The following ARL4A variants were observed in gnomAD, a reference collection of about 807,000 sequenced individuals.
ARL4A encodes ADP-ribosylation factor-like protein 4A.
A neutral mutation model predicts 13.9 loss-of-function variants in ARL4A; 5 were observed. The observed-to-expected ratio is 0.36, with a 90% confidence interval of 0.19 to 0.75. ARL4A has a LOEUF of 0.75. Among genes scored for constraint, ARL4A ranks in the 30% least tolerant of loss-of-function variants. The probability of loss-of-function intolerance (pLI) is 0.53; values close to 1 mark genes in which losing one functional copy is unlikely to be tolerated. For synonymous variants in ARL4A, 77 were observed against 84.4 expected (o/e 0.91, Z 0.48); for missense variants, 147 against 225.8 (o/e 0.65, Z 2.24).
chr7:12,690,047 A>G lies in ARL4A; in HGVS notation c.*1190A>G, dbSNP rs557482380. The G allele has an allele frequency of 3.6e-5, 6 of 167,212 alleles. No individual in the cohort carries two copies. In the East Asian group the frequency reaches 5.8e-4, roughly 16 times the overall value. 10.4% of individuals were successfully genotyped at this position (167,212 alleles called of 1,614,324 possible). A position where few individuals can be genotyped will look rare whatever the true frequency, so the allele number is the denominator to read the frequency against. On this transcript the variant is annotated 3_prime_UTR_variant, in exon 2 of 2. Transcript: ENST00000651779. ...AACAGTATGGCAGATAAGAATTACA[A>G]TTATAGAAAATGAGGGGAAAATAAC...
chr7:12,687,510 C>G (rs780739510), upstream of ARL4A: 1 of 152,812 alleles, frequency 6.5e-6, no homozygotes, highest in African/African-American at 2.4e-5. This position sits in a 1 kb window ranked among gnomAD's most constrained non-coding sequence, Gnocchi z 5.6. Context: ...AATTAGGGAG[C>G]GGGGGCGGGA....
Position 12,688,065 on chromosome 7 carries a change from T to A in ARL4A, c.-89-101T>A. 1.3e-6 allele frequency: 1 copy of A among 748,814 alleles called. No individual in the cohort carries two copies. The highest frequency in any genetic ancestry group is 2.0e-6 in the Non-Finnish European group (1 of 489,148). 46.4% of individuals were successfully genotyped at this position (748,814 alleles called of 1,614,324 possible). The stretch of plus-strand genomic sequence containing the variant: ...CGTCTGGTTTGTTTAGCGCAGCAAG[T>A]TATAGTAAGTTCTTCGTGTTGTTTA... On this transcript the variant is annotated intron_variant, in intron 1 of 1. Coordinates refer to ENST00000651779, the MANE Select transcript of ARL4A (RefSeq NM_005738.5). This position sits in a 1 kb window ranked among gnomAD's most constrained non-coding sequence, Gnocchi z 5.2.
Position 12,690,383 on chromosome 7 carries a change from G to A in ARL4A, c.*1526G>A, listed in dbSNP as rs533189861. On this transcript the variant is annotated 3_prime_UTR_variant, in exon 2 of 2. Transcript: ENST00000651779. ...AAAATGAATGAAGTAGCTTGATGTG[G>A]AGCCTTCATATGTTAAATATTCCTG... 1.2e-5 allele frequency: 2 copies of A among 165,912 alleles called. No homozygotes were observed. Among genetic ancestry groups the A allele is most frequent in the African/African-American group, 2.4e-5 (1 of 41,364 alleles). The allele number at this position is 165,912 out of a possible 1,614,324, so 10.3% of individuals were successfully genotyped here.
rs1213022938 is a variant in ARL4A at position 12,688,949 on chromosome 7, G to A, written c.*92G>A. ...TGTCTACAGCGTGGTTTGCCTGTCTGCCCTCCTGGATGCTATTAAAGCTTT... is the reference window on the plus strand; with the variant it reads ...TGTCTACAGCGTGGTTTGCCTGTCTACCCTCCTGGATGCTATTAAAGCTTT... On this transcript the variant is annotated 3_prime_UTR_variant, in exon 2 of 2. Coordinates refer to ENST00000651779, the MANE Select transcript of ARL4A (RefSeq NM_005738.5). The surrounding 1 kb of genome is among the most constrained non-coding windows in gnomAD (Gnocchi z 5.2). The A allele has an allele frequency of 7.6e-7, 1 of 1,309,574 alleles. No homozygotes were observed. Among genetic ancestry groups the A allele is most frequent in the Non-Finnish European group, 1.1e-6 (1 of 947,938 alleles). The allele number at this position is 1,309,574 out of a possible 1,614,324, so 81.1% of individuals were successfully genotyped here. A position where few individuals can be genotyped will look rare whatever the true frequency, so the allele number is the denominator to read the frequency against.
chr7:12,690,588 G>C lies in ARL4A; in HGVS notation c.*1731G>C, dbSNP rs926242409. ...AGCTAGGCTATTTAGTCCCATAGTA[G>C]TTCAGATCTGCTTAGATGTGACAGG... On this transcript the variant is annotated 3_prime_UTR_variant, in exon 2 of 2. Transcript: ENST00000651779. 2.5e-5 allele frequency: 4 copies of C among 162,816 alleles called. No individual in the cohort carries two copies. The highest frequency in any genetic ancestry group is 5.9e-5 in the Non-Finnish European group (4 of 67,712). The allele number at this position is 162,816 out of a possible 1,614,324, so 10.1% of individuals were successfully genotyped here.
chr7:12,688,311 G>A lies in ARL4A; in HGVS notation c.57G>A (p.Gln19=), dbSNP rs1784559588. 1.2e-6 allele frequency: 2 copies of A among 1,613,562 alleles called. No individual in the cohort carries two copies. The highest frequency in any genetic ancestry group is 1.7e-6 in the Non-Finnish European group (2 of 1,179,700). The change falls in exon 2 of 2, where the codon CAG becomes CAA. Residue 19 remains glutamine (Q), a synonymous_variant. Transcript: ENST00000651779. The surrounding 1 kb of genome is among the most constrained non-coding windows in gnomAD (Gnocchi z 5.2). ...TCCTGTCCAACCTGCCTTCATTTCA[G>A]TCTTTCCACATTGTTATTCTGGGTT... ...TSILSNLPSF[Q]SFHIVILGLD...
In ARL4A at chr7:12,687,725, G is replaced by A. The variant is rs943766831; in HGVS notation, c.-93G>A. ...TCATTTGGACCCAGACTCCAGATCG[G>A]GAGGTGAGAACGTTGTTATTTTGCA... On this transcript the variant is annotated 5_prime_UTR_variant, in exon 1 of 2. Transcript: ENST00000651779. This position sits in a 1 kb window ranked among gnomAD's most constrained non-coding sequence, Gnocchi z 5.6. The A allele has an allele frequency of 6.5e-6, 1 of 153,126 alleles. No individual in the cohort carries two copies. The highest frequency in any genetic ancestry group is 2.4e-5 in the African/African-American group (1 of 41,462). The allele number at this position is 153,126 out of a possible 1,614,324, so 9.5% of individuals were successfully genotyped here.
In ARL4A at chr7:12,688,723, A is replaced by G; in HGVS notation, c.469A>G (p.Ser157Gly). Residue 157 changes from serine to glycine, a missense_variant, in exon 2 of 2, where the codon AGC becomes GGC. Physicochemically the swap from Ser to Gly is moderately conservative, Grantham distance 56. Transcript: ENST00000651779. This position sits in a 1 kb window ranked among gnomAD's most constrained non-coding sequence, Gnocchi z 5.2. ...IEKLLAMGEL[S>G]SSTPWHLQPT... ...GAAATTGTTAGCAATGGGTGAACTG[A>G]GCTCATCAACTCCTTGGCATTTGCA... The G allele has an allele frequency of 6.2e-7, 1 of 1,614,026 alleles. No individual in the cohort carries two copies. The highest frequency in any genetic ancestry group is 8.5e-7 in the Non-Finnish European group (1 of 1,179,876).
At position 12,689,475 on chromosome 7, in the gene ARL4A, A is replaced by G. The variant is rs1198804283; in HGVS notation, c.*618A>G. ...AGTTGGTCTACCTTTATTAAAAATA[A>G]GATATTTGGGGTATATTCAAGTGCA... On this transcript the variant is annotated 3_prime_UTR_variant, in exon 2 of 2. Coordinates refer to ENST00000651779, the MANE Select transcript of ARL4A (RefSeq NM_005738.5). The G allele has an allele frequency of 6.0e-6, 1 of 167,184 alleles. No individual in the cohort carries two copies. The highest frequency in any genetic ancestry group is 1.5e-5 in the Non-Finnish European group (1 of 68,212). The allele number at this position is 167,184 out of a possible 1,614,324, so 10.4% of individuals were successfully genotyped here. A position where few individuals can be genotyped will look rare whatever the true frequency, so the allele number is the denominator to read the frequency against.
At position 12,688,737 on chromosome 7, in the gene ARL4A, T is replaced by C. The variant is rs749329270; in HGVS notation, c.483T>C (p.Pro161=). ...LAMGELSSST[P]WHLQPTCAII... The stretch of plus-strand genomic sequence containing the variant: ...TGGGTGAACTGAGCTCATCAACTCC[T>C]TGGCATTTGCAGCCTACCTGTGCAA... Residue 161 remains proline, a synonymous_variant, in exon 2 of 2, where the codon CCT becomes CCC. Transcript: ENST00000651779. The surrounding 1 kb of genome is among the most constrained non-coding windows in gnomAD (Gnocchi z 5.2). The C allele has an allele frequency of 6.2e-7, 1 of 1,613,996 alleles. No homozygotes were observed. The highest frequency in any genetic ancestry group is 8.5e-7 in the Non-Finnish European group (1 of 1,179,868).
In ARL4A at chr7:12,687,941, G is replaced by C. The variant is rs965022983; in HGVS notation, c.-90+213G>C. Among the ~76,000 whole-genome samples the C allele has an allele frequency of 1.3e-5, 2 of 152,148 alleles. No individual in the cohort carries two copies. The highest frequency in any genetic ancestry group is 6.5e-5 in the Admixed American group (1 of 15,278). ...AGGTTTGGGGACCCAGGAGAAAAAC[G>C]TACATATTACTGCAATTTAAGTAAA... On this transcript the variant is annotated intron_variant, in intron 1 of 1. Transcript: ENST00000651779. This position sits in a 1 kb window ranked among gnomAD's most constrained non-coding sequence, Gnocchi z 5.6.
rs1036676935 is a variant in ARL4A at position 12,690,127 on chromosome 7, A to G, written c.*1270A>G. 1.2e-5 allele frequency: 2 copies of G among 167,012 alleles called. No homozygotes were observed. The highest frequency in any genetic ancestry group is 2.4e-5 in the African/African-American group (1 of 41,454). 10.3% of individuals were successfully genotyped at this position (167,012 alleles called of 1,614,324 possible). A position where few individuals can be genotyped will look rare whatever the true frequency, so the allele number is the denominator to read the frequency against. ...TGTTTACATTGGAATAAAAAGCTCT[A>G]TAAGGAGGAAAGGCCTTTATCTAAT... On this transcript the variant is annotated 3_prime_UTR_variant, in exon 2 of 2. Coordinates refer to ENST00000651779, the MANE Select transcript of ARL4A (RefSeq NM_005738.5).
chr7:12,689,483 G>C lies in ARL4A; in HGVS notation c.*626G>C, dbSNP rs1784583800. On this transcript the variant is annotated 3_prime_UTR_variant, in exon 2 of 2. Coordinates refer to ENST00000651779, the MANE Select transcript of ARL4A (RefSeq NM_005738.5). ...TACCTTTATTAAAAATAAGATATTT[G>C]GGGTATATTCAAGTGCATGGATTAG... 6.0e-6 allele frequency: 1 copy of C among 167,040 alleles called. No individual in the cohort carries two copies. Among genetic ancestry groups the C allele is most frequent in the South Asian group, 2.1e-4 (1 of 4,822 alleles). The allele number at this position is 167,040 out of a possible 1,614,324, so 10.3% of individuals were successfully genotyped here. A position where few individuals can be genotyped will look rare whatever the true frequency, so the allele number is the denominator to read the frequency against.
At position 12,688,891 on chromosome 7, in the gene ARL4A, T is replaced by G; in HGVS notation, c.*34T>G. ...ACCTATTATATCTGTGTGGAGTAGG[T>G]TTTCTCTGGTCTGATTTTGACAAAT... On this transcript the variant is annotated 3_prime_UTR_variant, in exon 2 of 2. Coordinates refer to ENST00000651779, the MANE Select transcript of ARL4A (RefSeq NM_005738.5). This position sits in a 1 kb window ranked among gnomAD's most constrained non-coding sequence, Gnocchi z 5.2. 1.9e-6 allele frequency: 3 copies of G among 1,552,870 alleles called. No individual in the cohort carries two copies. The highest frequency in any genetic ancestry group is 1.7e-6 in the Non-Finnish European group (2 of 1,151,718).
Position 12,688,097 on chromosome 7 carries a change from C to A in ARL4A, c.-89-69C>A. ...AAGTTCTTCGTGTTGTTTATTTTAG[C>A]AAAGTAGAGCAAACCTGTTTTAATG... On this transcript the variant is annotated intron_variant, in intron 1 of 1. Transcript: ENST00000651779. The surrounding 1 kb of genome is among the most constrained non-coding windows in gnomAD (Gnocchi z 5.2). 1 of 1,123,732 alleles carries A rather than the reference C, an allele frequency of 8.9e-7. No individual in the cohort carries two copies. The highest frequency in any genetic ancestry group is 1.2e-6 in the Non-Finnish European group (1 of 806,996). 69.6% of individuals were successfully genotyped at this position (1,123,732 alleles called of 1,614,324 possible). A position where few individuals can be genotyped will look rare whatever the true frequency, so the allele number is the denominator to read the frequency against.
chr7:12,688,484 G>C lies in ARL4A; in HGVS notation c.230G>C (p.Gly77Ala). The change falls in exon 2 of 2, where the codon GGT (glycine) becomes GCT (alanine). Residue 77 changes from glycine to alanine, a missense_variant. Coordinates refer to ENST00000651779, the MANE Select transcript of ARL4A (RefSeq NM_005738.5). The surrounding 1 kb of genome is among the most constrained non-coding windows in gnomAD (Gnocchi z 5.2). The stretch of plus-strand genomic sequence containing the variant: ...GTCACTTTTCACTTCTGGGATGTAG[G>C]TGGTCAGGAGAAATTAAGGCCACTG... The part of the protein sequence containing the change: ...KTVTFHFWDV[G>A]GQEKLRPLWK... 2 of 1,612,158 alleles carry C rather than the reference G, an allele frequency of 1.2e-6. No homozygotes were observed. The highest frequency in any genetic ancestry group is 1.7e-6 in the Non-Finnish European group (2 of 1,179,842).
rs1323486303 is a variant in ARL4A at position 12,688,290 on chromosome 7, G to T, written c.36G>T (p.Leu12=). ...GGCTGTCAGACCAGACTTCTATCCT[G>T]TCCAACCTGCCTTCATTTCAGTCTT... ...GNGLSDQTSI[L]SNLPSFQSFH... is the part of the protein sequence containing the mutation. Residue 12 remains leucine (L), a synonymous_variant, in exon 2 of 2, where the codon CTG becomes CTT. Transcript: ENST00000651779. This position sits in a 1 kb window ranked among gnomAD's most constrained non-coding sequence, Gnocchi z 5.2. 1 of 1,611,676 alleles carries T rather than the reference G, an allele frequency of 6.2e-7. No homozygotes were observed. Among genetic ancestry groups the T allele is most frequent in the East Asian group, 2.2e-5 (1 of 44,852 alleles).
rs1784591042 is a variant in ARL4A at position 12,689,947 on chromosome 7, C to T, written c.*1090C>T. 6.0e-6 allele frequency: 1 copy of T among 166,966 alleles called. No homozygotes were observed. The highest frequency in any genetic ancestry group is 2.1e-4 in the South Asian group (1 of 4,830). The allele number at this position is 166,966 out of a possible 1,614,324, so 10.3% of individuals were successfully genotyped here. ...AAAGATAACCTGTATGTGTTCCGAGCTTTAATTTTTTGTTTACAAATTGAA... is the reference window on the plus strand; with the variant it reads ...AAAGATAACCTGTATGTGTTCCGAGTTTTAATTTTTTGTTTACAAATTGAA... On this transcript the variant is annotated 3_prime_UTR_variant, in exon 2 of 2. Coordinates refer to ENST00000651779, the MANE Select transcript of ARL4A (RefSeq NM_005738.5).
chr7:12,688,795 A>G lies in ARL4A; in HGVS notation c.541A>G (p.Lys181Glu). Residue 181 changes from lysine to glutamate, a missense_variant, in exon 2 of 2, where the codon AAA becomes GAA. Transcript: ENST00000651779. This position sits in a 1 kb window ranked among gnomAD's most constrained non-coding sequence, Gnocchi z 5.2. Reference protein sequence around the residue: ...IGDGLKEGLEKLHDMIIKRRK... With the variant: ...IGDGLKEGLEELHDMIIKRRK... ...AGATGGCCTAAAGGAAGGACTTGAG[A>G]AACTACATGATATGATCATTAAAAG... is the stretch of plus-strand genomic sequence containing the variant. The G allele has an allele frequency of 3.1e-6, 5 of 1,613,504 alleles. No homozygotes were observed. The highest frequency in any genetic ancestry group is 4.2e-6 in the Non-Finnish European group (5 of 1,179,626).
Sources: gnomAD v4.1 joint callset for allele counts (sites outside exome capture counted in the v4.1 genomes callset) on GRCh38, gnomAD v4.1.1 for gene constraint, Gnocchi (gnomAD v3.1) non-coding constraint, MANE v1.5 for transcripts, NCBI Gene and HGNC (gene_info 2026-07-23, HGNC 2026-07-21) for gene names.